DENND1C: variants seen among roughly 807,000 people sequenced by gnomAD.
DENND1C encodes the protein DENN domain containing 1C.
Under a neutral mutation model 87.9 loss-of-function variants are expected in DENND1C, and 64 were observed. The observed-to-expected ratio is 0.73, with a 90% CI of 0.60 to 0.90. The LOEUF is 0.90. Among genes scored for constraint, DENND1C ranks in the 40% least tolerant of loss-of-function variants. The probability of loss-of-function intolerance (pLI) is 0.00; values close to 1 mark genes in which losing one functional copy is unlikely to be tolerated. For synonymous variants in DENND1C, 384 were observed against 424.4 expected, an observed-to-expected ratio of 0.90 and a Z score of 1.17; for missense variants, 980 against 1,037.0, an observed-to-expected ratio of 0.95 and a Z score of 0.76.
intron 6 of DENND1C, among the ~76,000 whole-genome samples, chr19:6,478,498 C>T (rs149333712): frequency 0.018 from 2,773 of 151,808 alleles, 40 homozygotes; most frequent in Middle Eastern, 0.044. Context: ...TCAGGTGATC[C>T]GCTCGCCTTG....
intron 10 of DENND1C, chr19:6,476,474 G>T (rs927391256): frequency 5.1e-6 from 1 of 197,750 alleles, no homozygotes; most frequent in Non-Finnish European, 1.0e-5. Context: ...TGTGTTCCTA[G>T]GTCCCTGGGT....
At chr19:6,468,756 A>G (rs2092811064) in intron 20 of DENND1C, 90 bp downstream of exon 20, 2 of 1,383,886 alleles carry the variant, frequency 1.4e-6, no homozygotes, top group Non-Finnish European at 1.9e-6. Context: ...GGAGTTGAAG[A>G]AGGAGGTGAG....
rs1599385681 is a variant in DENND1C at position 6,475,697 on chromosome 19, C to A, written c.825+9G>T. The A allele has an allele frequency of 1.3e-6, 2 of 1,599,642 alleles. No individual in the cohort carries two copies. The highest frequency in any genetic ancestry group is 2.3e-5 in the East Asian group (1 of 44,196). The stretch of plus-strand genomic sequence containing the variant: ...CACGTCCCCGTCGTCTGGGTAGATC[C>A]ACGCTCACCTCGGCGAGACTGGCGT... On this transcript the variant is annotated intron_variant, in intron 12 of 22. Transcript: ENST00000381480.
In DENND1C at chr19:6,468,838, G is replaced by A. The variant is rs767511942; in HGVS notation, c.1515+8C>T. 13 of 1,507,140 alleles carry A rather than the reference G, an allele frequency of 8.6e-6. No homozygotes were observed. The highest frequency in any genetic ancestry group is 5.5e-5 in the South Asian group (4 of 72,458). 93.4% of individuals were successfully genotyped at this position (1,507,140 alleles called of 1,614,324 possible). A position where few individuals can be genotyped will look rare whatever the true frequency, so the allele number is the denominator to read the frequency against. ...CAGGTGTGTGCATGGGGGGAGGGGC[G>A]CTCTCACCTTTCCAAAGTGCTGAGT... On this transcript the variant is annotated splice_region_variant and intron_variant, in intron 20 of 22. Transcript: ENST00000381480.
chr19:6,478,685 G>C (rs2145211375), intron 6 of DENND1C, 98 bp downstream of exon 6: 2 of 1,365,934 alleles, frequency 1.5e-6, no homozygotes, highest in Non-Finnish European at 2.0e-6. Flanking sequence ...GACACAGTGT[G>C]CCCTGCCAAG....
At chr19:6,471,351 CT>C in intron 16 of DENND1C, 46 bp from the exon 17 acceptor site, 2 of 1,590,420 alleles carry the variant, frequency 1.3e-6, no homozygotes, top group Non-Finnish European at 1.7e-6. Context: ...CTGGCTGAGG[CT>C]GGGGGTGCTG....
At chr19:6,474,514 G>A (rs1407257465) in intron 14 of DENND1C, among the ~76,000 whole-genome samples, 1 of 152,164 alleles carries the variant, frequency 6.6e-6, no homozygotes, top group Non-Finnish European at 1.5e-5. Context: ...TCCTCATATG[G>A]AAAATGGGAC....
rs544168238 is a variant in DENND1C at position 6,473,208 on chromosome 19, G to A, written c.1054-215C>T. On this transcript the variant is annotated intron_variant, in intron 14 of 22. Transcript: ENST00000381480. ...TCTCGCTCTGTCGCCAGGCTGGAAT[G>A]CAGTGGCGTGATCTCAGCTCACTGC... 5.9e-5 allele frequency among the ~76,000 whole-genome samples: 9 copies of A among 152,322 alleles called. No homozygotes were observed. In the East Asian group the frequency reaches 1.4e-3, roughly 23 times the overall value.
Position 6,468,610 on chromosome 19 carries a change from C to A in DENND1C, c.1551G>T (p.Leu517=), listed in dbSNP as rs1015134925. ...CTGGGGGCTCGGAAGTTCCCTCTTC[C>A]AGCTGGCGTCTCCTGCTGGGGCGAA... The part of the protein sequence containing the change: ...RPLRPSRRRQ[L]EEGTSEPPGA... Residue 517 remains leucine, a synonymous_variant, in exon 21 of 23, where the codon CTG becomes CTT. Transcript: ENST00000381480. 3 of 1,509,430 alleles carry A rather than the reference C, an allele frequency of 2.0e-6. No homozygotes were observed. Among genetic ancestry groups the A allele is most frequent in the Non-Finnish European group, 2.6e-6 (3 of 1,132,626 alleles). The allele number at this position is 1,509,430 out of a possible 1,614,324, so 93.5% of individuals were successfully genotyped here.
chr19:6,479,439 G>A lies in DENND1C; in HGVS notation c.176+230C>T, dbSNP rs78470218. On this transcript the variant is annotated intron_variant, in intron 4 of 22. Transcript: ENST00000381480. Reference sequence around the variant, plus strand: ...GAGTCTCTGAGTCCCTGGGTCCCTGGGTCCCTGGGTTCCTGAGTCCCTAGA... The same window carrying A: ...GAGTCTCTGAGTCCCTGGGTCCCTGAGTCCCTGGGTTCCTGAGTCCCTAGA... 5.2e-4 allele frequency among the ~76,000 whole-genome samples: 69 copies of A among 132,410 alleles called. 1 individual carries two copies. Among genetic ancestry groups the A allele is most frequent in the African/African-American group, 2.8e-3 (66 of 23,312 alleles). 86.9% of individuals were successfully genotyped at this position (132,410 alleles called of 152,430 possible).
intron 18 of DENND1C, chr19:6,470,082 G>A (rs905957481): frequency 1.4e-4 from 75 of 542,598 alleles, no homozygotes; most frequent in South Asian, 6.9e-4. Context: ...GGAGGGGGGC[G>A]GGTAGGATTC....
chr19:6,471,913 G>A (rs188427475), intron 15 of DENND1C, among the ~76,000 whole-genome samples: 2 of 152,306 alleles, frequency 1.3e-5, no homozygotes, highest in Admixed American at 1.3e-4. Context: ...AAAATGCTGG[G>A]ATTACAGGCG....
chr19:6,471,990 G>A (rs1345814716), intron 15 of DENND1C, among the ~76,000 whole-genome samples: 5 of 151,988 alleles, frequency 3.3e-5, no homozygotes, highest in Admixed American at 6.6e-5. Context: ...CTCCCTCCCC[G>A]AGTCAGGACC....
intron 18 of DENND1C, 147 bp from the exon 19 acceptor site, chr19:6,469,787 G>T: frequency 4.0e-6 from 3 of 758,178 alleles, no homozygotes; most frequent in South Asian, 3.3e-5. Flanking sequence ...CACCTAAGAA[G>T]TCAATGCAAA....
chr19:6,472,922 G>C lies in DENND1C; in HGVS notation c.1125C>G (p.His375Gln), dbSNP rs781370757. 1 of 1,592,276 alleles carries C rather than the reference G, an allele frequency of 6.3e-7. No homozygotes were observed. The highest frequency in any genetic ancestry group is 1.1e-5 in the South Asian group (1 of 87,358). ...ACAGCTGCAGGTGCACAGCCCGCCG[G>C]TGGAAGGCCTGCAGAGGTGCCCCAG... ...QKPGAPLQAF[H>Q]RRAVHLQLFK... is the part of the protein sequence containing the mutation. Residue 375 changes from histidine (H) to glutamine (Q), a missense_variant, in exon 15 of 23, where the codon CAC becomes CAG. Physicochemically the swap from His to Gln is conservative, Grantham distance 24. Transcript: ENST00000381480.
Position 6,474,199 on chromosome 19 carries a change from GA to G in DENND1C, c.1053+1074del, listed in dbSNP as rs74173088. 2.8e-3 allele frequency among the ~76,000 whole-genome samples: 393 copies of G among 140,448 alleles called. 1 individual carries two copies. Among genetic ancestry groups the G allele is most frequent in the African/African-American group, 7.6e-3 (286 of 37,422 alleles). 92.1% of individuals were successfully genotyped at this position (140,448 alleles called of 152,430 possible). A position where few individuals can be genotyped will look rare whatever the true frequency, so the allele number is the denominator to read the frequency against. On this transcript the variant is annotated intron_variant, in intron 14 of 22. Transcript: ENST00000381480. ...AAGAGAGCAAGACTCTGTCTCAAGA[GA>G]AAAAAAAAAAAAAAAGAAGAAGAAG...
intron 15 of DENND1C, among the ~76,000 whole-genome samples, chr19:6,471,704 G>A (rs1254286425): frequency 6.6e-6 from 1 of 152,096 alleles, no homozygotes; most frequent in Non-Finnish European, 1.5e-5. Context: ...GTGCAGTGGC[G>A]TGATCTCGGC....
Position 6,468,714 on chromosome 19 carries a change from G to A in DENND1C, c.1516-69C>T, listed in dbSNP as rs2092810770. On this transcript the variant is annotated intron_variant, in intron 20 of 22. Transcript: ENST00000381480. ...CGGGGGGCTGAGGCTTGCTGGAGAA[G>A]GGTGAGTGTGAAGTGGGTGCCACAT... 1.1e-5 allele frequency: 16 copies of A among 1,392,420 alleles called. No homozygotes were observed. In the South Asian group the frequency reaches 2.0e-4, roughly 17 times the overall value. 86.3% of individuals were successfully genotyped at this position (1,392,420 alleles called of 1,614,324 possible).
intron 15 of DENND1C, 38 bp downstream of exon 15, chr19:6,472,851 C>G: frequency 6.9e-7 from 1 of 1,442,008 alleles, no homozygotes; most frequent in Non-Finnish European, 9.2e-7. Context: ...CAGCAGTCCA[C>G]CTCCAGTCCC....
Sources: allele counts gnomAD v4.1 joint callset (sites outside exome capture counted in the v4.1 genomes callset), GRCh38; gene constraint gnomAD v4.1.1; transcripts MANE v1.5; gene names NCBI Gene and HGNC (gene_info 2026-07-23, HGNC 2026-07-21).